DOCK2: variants seen among roughly 807,000 people sequenced by gnomAD.
The protein encoded by DOCK2 is dedicator of cytokinesis protein 2.
In DOCK2, 87 loss-of-function variants were observed where a neutral mutation model predicts 248.9. The observed-to-expected ratio is 0.35, with a 90% CI of 0.29 to 0.42. The LOEUF (loss-of-function observed/expected upper bound fraction) is 0.42, where lower values mean the gene tolerates loss of function less well. DOCK2 is among the 10% of genes least tolerant of loss of function. The probability of loss-of-function intolerance (pLI) is 1.00; values close to 1 mark genes in which losing one functional copy is unlikely to be tolerated. For missense variants in DOCK2, 1,747 were observed against 2,300.2 expected (o/e 0.76, Z 4.92); for synonymous variants, 805 against 821.6 (o/e 0.98, Z 0.35).
chr5:169,929,080 T>C (rs1775617565), intron 27 of DOCK2, among the ~76,000 whole-genome samples: 1 of 152,142 alleles, frequency 6.6e-6, no homozygotes, highest in Non-Finnish European at 1.5e-5. Flanking sequence ...GCTGGCCAGG[T>C]AGACTGAAGT....
rs1561612339 is a variant in DOCK2 at position 169,699,368 on chromosome 5, C to T, written c.1056-14C>T. 3.1e-6 allele frequency: 5 copies of T among 1,612,152 alleles called. No individual in the cohort carries two copies. Among genetic ancestry groups the T allele is most frequent in the Non-Finnish European group, 4.2e-6 (5 of 1,178,900 alleles). On this transcript the variant is annotated splice_polypyrimidine_tract_variant and intron_variant, in intron 11 of 51. Coordinates refer to ENST00000520908, the MANE Select transcript of DOCK2 (RefSeq NM_004946.3). ...ACACGATGTGGACATTTCATGCTCT[C>T]TTTTCCTTTCCAGGGTTACAGCTGA...
chr5:170,082,151 G>T (rs527406491), intron 51 of DOCK2, among the ~76,000 whole-genome samples, 167 bp downstream of exon 51: 2 of 152,236 alleles, frequency 1.3e-5, no homozygotes, highest in South Asian at 2.1e-4. Context: ...ATGCCCAGAG[G>T]GCAGTTCTCC....
intron 27 of DOCK2, among the ~76,000 whole-genome samples, chr5:169,972,542 CAGATAGAT>C (rs143089504): frequency 0.011 from 1,496 of 141,368 alleles, 16 homozygotes; most frequent in East Asian, 0.024. Context: ...CACTGTGAGA[CAGATAGAT>C]AGATAGATAG....
At chr5:170,025,039 A>G (rs75689735) in intron 33 of DOCK2, among the ~76,000 whole-genome samples, 9,472 of 152,312 alleles carry the variant, frequency 0.062, 724 homozygotes, top group African/African-American at 0.18. Context: ...GAAAAAATGC[A>G]CTTTTCTCCC....
intron 23 of DOCK2, among the ~76,000 whole-genome samples, chr5:169,749,686 C>T (rs1406389892): frequency 6.6e-6 from 1 of 152,188 alleles, no homozygotes; most frequent in African/African-American, 2.4e-5. Context: ...TACTCACTAC[C>T]ACGGCATTAG....
At chr5:169,832,814 G>A (rs926331845) in intron 26 of DOCK2, among the ~76,000 whole-genome samples, 1 of 152,114 alleles carries the variant, frequency 6.6e-6, no homozygotes, top group African/African-American at 2.4e-5. Flanking sequence ...ATAGATTGCT[G>A]CTGTTTTCAC....
intron 26 of DOCK2, among the ~76,000 whole-genome samples, chr5:169,820,453 G>T (rs1191187627): frequency 2.6e-5 from 4 of 152,184 alleles, no homozygotes; most frequent in Non-Finnish European, 4.4e-5. Context: ...AGCAACATTT[G>T]CTGTTCAGCA....
intron 27 of DOCK2, among the ~76,000 whole-genome samples, chr5:169,927,219 A>C (rs1484108103): frequency 6.6e-6 from 1 of 152,128 alleles, no homozygotes; most frequent in Admixed American, 6.5e-5. Context: ...GAGTCATGAG[A>C]GAAGGGAAGC....
At chr5:169,783,578 T>C (rs548913204) in intron 25 of DOCK2, among the ~76,000 whole-genome samples, 1 of 152,274 alleles carries the variant, frequency 6.6e-6, no homozygotes, top group East Asian at 1.9e-4. Context: ...AATTATTCAT[T>C]AATAATTATT....
chr5:169,719,739 C>T (rs768296299), intron 22 of DOCK2, among the ~76,000 whole-genome samples: 1 of 152,182 alleles, frequency 6.6e-6, no homozygotes, highest in Non-Finnish European at 1.5e-5. Flanking sequence ...CTCTATGTTC[C>T]TTGTTGTCCT....
chr5:169,701,648 G>C (rs1449298555), intron 13 of DOCK2, among the ~76,000 whole-genome samples: 1 of 152,042 alleles, frequency 6.6e-6, no homozygotes, highest in Non-Finnish European at 1.5e-5. Flanking sequence ...CTGAGCAGTT[G>C]GGACCACAGG....
chr5:170,010,557 C>T (rs1227480136), intron 32 of DOCK2, among the ~76,000 whole-genome samples: 2 of 152,192 alleles, frequency 1.3e-5, no homozygotes, highest in Non-Finnish European at 2.9e-5. Context: ...AATAGCTGTC[C>T]TACTGAAATG....
intron 27 of DOCK2, among the ~76,000 whole-genome samples, chr5:169,895,836 A>G (rs1430343869): frequency 6.6e-6 from 1 of 152,208 alleles, no homozygotes; most frequent in African/African-American, 2.4e-5. Flanking sequence ...TTTGGCTCAC[A>G]TAACGCAGTG....
intron 2 of DOCK2, among the ~76,000 whole-genome samples, chr5:169,660,496 T>C (rs995401647): frequency 5.3e-5 from 8 of 152,222 alleles, no homozygotes; most frequent in African/African-American, 1.9e-4. Flanking sequence ...TCTGTTCTCA[T>C]TTGAAAATAT....
chr5:169,877,950 G>C (rs1343816218), intron 27 of DOCK2, among the ~76,000 whole-genome samples: 1 of 152,062 alleles, frequency 6.6e-6, no homozygotes, highest in Non-Finnish European at 1.5e-5. Context: ...GAGATGAAAA[G>C]TTTTCTGGGA....
At chr5:169,972,094 T>C (rs993643871) in intron 27 of DOCK2, among the ~76,000 whole-genome samples, 1 of 152,226 alleles carries the variant, frequency 6.6e-6, no homozygotes, top group Non-Finnish European at 1.5e-5. Flanking sequence ...ATTAATCAAA[T>C]TATAAAATAA....
intron 27 of DOCK2, among the ~76,000 whole-genome samples, chr5:169,904,278 G>A (rs980764613): frequency 6.6e-6 from 1 of 152,038 alleles, no homozygotes; most frequent in African/African-American, 2.4e-5. Context: ...AGCAAGGAGG[G>A]CTTTCCCCTC....
At chr5:169,959,516 C>T (rs1776999406) in intron 27 of DOCK2, among the ~76,000 whole-genome samples, 1 of 152,144 alleles carries the variant, frequency 6.6e-6, no homozygotes, top group African/African-American at 2.4e-5. Context: ...TCTAACAATT[C>T]TAATAGTCCA....
At position 169,684,133 on chromosome 5, in the gene DOCK2, TTGCTCTAAGTGG is replaced by T. The variant is rs147838293; in HGVS notation, c.607-58_607-47del. ...CCCAATATCCTTGACTATCTCTCTG[TTGCTCTAAGTGG>T]TGCTAGGCTAATTTTCTCCATCTTC... On this transcript the variant is annotated intron_variant, in intron 7 of 51. Transcript: ENST00000520908. The T allele has an allele frequency of 9.3e-3, 14,754 of 1,590,436 alleles. 118 individuals carry two copies. The highest frequency in any genetic ancestry group is 0.026 in the African/African-American group (1,927 of 74,572).
Sources: gnomAD v4.1 joint callset for allele counts (sites outside exome capture counted in the v4.1 genomes callset) on GRCh38, gnomAD v4.1.1 for gene constraint, MANE v1.5 for transcripts, NCBI Gene and HGNC (gene_info 2026-07-23, HGNC 2026-07-21) for gene names.